The following GABRB3 variants were observed in gnomAD, a reference collection of about 807,000 sequenced individuals.
GABRB3 encodes gamma-aminobutyric acid type A receptor subunit beta3, also known as gamma-aminobutyric acid receptor subunit beta-3.
A neutral mutation model predicts 52.1 loss-of-function variants in GABRB3; 14 were observed. The observed-to-expected ratio is 0.27, with a 90% CI of 0.18 to 0.42. The LOEUF (loss-of-function observed/expected upper bound fraction) is 0.42. Among genes scored for constraint, GABRB3 ranks in the 10% least tolerant of loss-of-function variants. The probability of loss-of-function intolerance (pLI) is 1.00; values close to 1 mark genes in which losing one functional copy is unlikely to be tolerated. For synonymous variants in GABRB3, 260 were observed against 232.3 expected, an observed-to-expected ratio of 1.12 and a Z score of -1.08; for missense variants, 307 against 609.1, an observed-to-expected ratio of 0.50 and a Z score of 5.22.
intron 3 of GABRB3, among the ~76,000 whole-genome samples, chr15:26,689,775 C>T (rs1488501370): frequency 6.6e-6 from 1 of 152,112 alleles, no homozygotes; most frequent in Non-Finnish European, 1.5e-5. Context: ...CCTGGGGAGG[C>T]TGTCTGCCAT....
chr15:26,615,959 C>T, intron 4 of GABRB3: 1 of 1,288,988 alleles, frequency 7.8e-7, no homozygotes, highest in Admixed American at 2.3e-5. Flanking sequence ...CAAGCAGGAA[C>T]AGCAGGAACA....
At chr15:26,651,021 C>A (rs952196729) in intron 3 of GABRB3, among the ~76,000 whole-genome samples, 1 of 152,178 alleles carries the variant, frequency 6.6e-6, no homozygotes, top group African/African-American at 2.4e-5. Context: ...TTCTTGGATG[C>A]CAGACAAGGG....
intron 4 of GABRB3, chr15:26,615,442 G>A (rs537627615): frequency 3.1e-4 from 306 of 986,766 alleles, no homozygotes; most frequent in Non-Finnish European, 3.6e-4. Context: ...GAGCAAGCTA[G>A]TGTTACCCCA....
intron 4 of GABRB3, chr15:26,616,094 T>C: frequency 7.8e-7 from 1 of 1,287,934 alleles, no homozygotes; most frequent in Non-Finnish European, 1.0e-6. Context: ...CATTGTTGGG[T>C]TACACACACT....
At chr15:26,626,613 T>C (rs114967439) in intron 3 of GABRB3, among the ~76,000 whole-genome samples, 4 of 152,228 alleles carry the variant, frequency 2.6e-5, no homozygotes, top group East Asian at 1.9e-4. Context: ...ACTGCTGATA[T>C]TGATAGAATA....
chr15:26,566,956 C>A (rs1388709876), intron 7 of GABRB3, among the ~76,000 whole-genome samples: 1 of 152,068 alleles, frequency 6.6e-6, no homozygotes, highest in East Asian at 1.9e-4. Context: ...ATTATTTTTT[C>A]TATGCAGTTT....
intron 3 of GABRB3, among the ~76,000 whole-genome samples, chr15:26,656,048 C>CA (rs1375291326): frequency 2.6e-5 from 4 of 152,096 alleles, no homozygotes; most frequent in African/African-American, 9.7e-5. Flanking sequence ...CTCATCTCTT[C>CA]GTTACTTTGG....
chr15:26,717,249 T>G (rs1325897362), intron 3 of GABRB3, among the ~76,000 whole-genome samples: 1 of 110,842 alleles, frequency 9.0e-6, no homozygotes, highest in African/African-American at 3.5e-5. Flanking sequence ...ACCTCCACCC[T>G]ATGACAGCCC....
intron 3 of GABRB3, among the ~76,000 whole-genome samples, chr15:26,675,727 A>T (rs1888048239): frequency 6.6e-6 from 1 of 152,110 alleles, no homozygotes. Context: ...TAGCAAAATT[A>T]CTAGGAGGTA....
chr15:26,612,667 T>C (rs1475581964), intron 4 of GABRB3: 12 of 152,244 alleles, frequency 7.9e-5, no homozygotes, highest in Non-Finnish European at 7.3e-5. Flanking sequence ...GAATATAGTA[T>C]ATCTTTTGCT....
At chr15:26,593,981 A>AATATATATATATATATATATATAT (rs61218096) in intron 4 of GABRB3, among the ~76,000 whole-genome samples, 1 of 133,972 alleles carries the variant, frequency 7.5e-6, no homozygotes, top group Non-Finnish European at 1.6e-5. Context: ...CTCATTTTAA[A>AATATATATATATATATATATATAT]ATATATATAT....
At chr15:26,772,845 G>T in intron 1 of GABRB3, 38 bp downstream of exon 1, 1 of 1,452,930 alleles carries the variant, frequency 6.9e-7, no homozygotes, top group Non-Finnish European at 9.1e-7. Flanking sequence ...CGCACCCCGC[G>T]CCCTGCCCGC....
At chr15:26,762,114 A>T (rs765695170) in intron 3 of GABRB3, among the ~76,000 whole-genome samples, 1 of 152,132 alleles carries the variant, frequency 6.6e-6, no homozygotes, top group African/African-American at 2.4e-5. Flanking sequence ...TTACGGGCAT[A>T]AAACCCCACA....
intron 3 of GABRB3, among the ~76,000 whole-genome samples, chr15:26,756,903 C>A (rs1407241059): frequency 6.6e-6 from 1 of 152,160 alleles, no homozygotes; most frequent in African/African-American, 2.4e-5. Context: ...GCACCAGCTC[C>A]TTGCAGGTTG....
At chr15:26,560,077 G>A (rs1311244106) in intron 8 of GABRB3, among the ~76,000 whole-genome samples, 2 of 152,124 alleles carry the variant, frequency 1.3e-5, no homozygotes, top group Non-Finnish European at 2.9e-5. Flanking sequence ...AAATGCTTCC[G>A]TAGAACAAAT....
intron 3 of GABRB3, among the ~76,000 whole-genome samples, chr15:26,723,416 T>A (rs1166805829): frequency 6.6e-6 from 1 of 152,234 alleles, no homozygotes; most frequent in Non-Finnish European, 1.5e-5. Context: ...GTAGTTATTT[T>A]CACACTAAGA....
At chr15:26,606,774 A>ATATATCTATCGATAGATATATCGC in intron 4 of GABRB3, among the ~76,000 whole-genome samples, 1 of 66,806 alleles carries the variant, frequency 1.5e-5, no homozygotes, top group Non-Finnish European at 5.2e-5. Flanking sequence ...CTATCTATAG[A>ATATATCTATCGATAGATATATCGC]TAGATAGATA....
intron 3 of GABRB3, among the ~76,000 whole-genome samples, chr15:26,722,148 C>T (rs943427080): frequency 2.6e-5 from 4 of 152,040 alleles, no homozygotes; most frequent in Admixed American, 2.6e-4. Flanking sequence ...ATAGTTTGCC[C>T]CATCTAGGTC....
chr15:26,557,689 C>T (rs1889807037), intron 8 of GABRB3: 1 of 152,080 alleles, frequency 6.6e-6, no homozygotes, highest in Admixed American at 6.6e-5. Flanking sequence ...TGACTTCAAA[C>T]CTTAAGTACC....
Sources: allele counts gnomAD v4.1 joint callset (sites outside exome capture counted in the v4.1 genomes callset), GRCh38; gene constraint gnomAD v4.1.1; transcripts MANE v1.5; gene names NCBI Gene and HGNC (gene_info 2026-07-23, HGNC 2026-07-21).